The following PTBP1 variants were observed in gnomAD, a reference collection of about 807,000 sequenced individuals.
PTBP1 encodes the protein polypyrimidine tract binding protein 1.
Under a neutral mutation model 59.8 loss-of-function variants are expected in PTBP1, and 8 were observed. The ratio of observed to expected loss-of-function variants is 0.13; its 90% CI spans 0.08 to 0.24. The LOEUF (loss-of-function observed/expected upper bound fraction) is 0.24. Among genes scored for constraint, PTBP1 ranks in the 10% least tolerant of loss-of-function variants. PTBP1 has a pLI of 1.00. For missense variants in PTBP1, 686 were observed against 767.0 expected (o/e 0.89, Z 1.25); for synonymous variants, 490 against 320.7 (o/e 1.53, Z -5.64).
intron 13 of PTBP1, among the ~76,000 whole-genome samples, chr19:810,277 G>C (rs1456593247): frequency 6.6e-6 from 1 of 152,098 alleles, no homozygotes; most frequent in African/African-American, 2.4e-5. Context: ...CTGTGCTCCC[G>C]CCTGGGCGAC....
chr19:806,327 TGAG>T (rs1452470807), intron 9 of PTBP1, 78 bp from the exon 10 acceptor site: 16 of 1,423,848 alleles, frequency 1.1e-5, no homozygotes, highest in Non-Finnish European at 1.4e-5. Context: ...CCTCGGTGCA[TGAG>T]GACGGGGAGC....
In PTBP1 at chr19:804,445, G is replaced by A. The variant is rs1184663433; in HGVS notation, c.435+7G>A. On this transcript the variant is annotated splice_region_variant and intron_variant, in intron 5 of 14. Coordinates refer to ENST00000356948, the MANE Select transcript of PTBP1 (RefSeq NM_002819.5). ...CAGCTCTCCCAACCAGGCGGTGCGT[G>A]GCCCCGCGGCGGACCCCAGCAGCCC... The A allele has an allele frequency of 6.2e-7, 1 of 1,608,904 alleles. No homozygotes were observed. The highest frequency in any genetic ancestry group is 8.5e-7 in the Non-Finnish European group (1 of 1,179,558).
intron 13 of PTBP1, 52 bp from the exon 14 acceptor site, chr19:810,491 G>A (rs956291634): frequency 1.0e-5 from 16 of 1,525,796 alleles, no homozygotes; most frequent in Admixed American, 1.8e-5. Flanking sequence ...GGACCTGACT[G>A]GGCGCCCCCA....
At position 804,930 on chromosome 19, in the gene PTBP1, C is replaced by A. The variant is rs762173288; in HGVS notation, c.708C>A (p.His236Gln). ...LQYADPVSAQ[H>Q]AKLSLDGQNI... is the part of the protein sequence containing the mutation. ...ATGCGGACCCCGTGAGCGCCCAGCA[C>A]GCCAAGCTGGTGAGTGGGGCTCCCG... is the stretch of plus-strand genomic sequence containing the variant. The change falls in exon 7 of 15, where the codon CAC becomes CAA. Residue 236 changes from histidine to glutamine, a missense_variant. Coordinates refer to ENST00000356948, the MANE Select transcript of PTBP1 (RefSeq NM_002819.5). 1 of 1,613,782 alleles carries A rather than the reference C, an allele frequency of 6.2e-7. No individual in the cohort carries two copies. Among genetic ancestry groups the A allele is most frequent in the Non-Finnish European group, 8.5e-7 (1 of 1,179,826 alleles).
intron 9 of PTBP1, 188 bp from the exon 10 acceptor site, chr19:806,220 G>C (rs1599234334): frequency 1.8e-6 from 1 of 552,080 alleles, no homozygotes; most frequent in East Asian, 3.6e-5. Flanking sequence ...GGCGGGCGCT[G>C]GTGCAGGAGC....
Position 810,997 on chromosome 19 carries a change from C to T in PTBP1, c.*171C>T. On this transcript the variant is annotated 3_prime_UTR_variant, in exon 15 of 15. Transcript: ENST00000356948. ...TTAAATCTAGTTCACCTTGCTCACC[C>T]TGCGGTGACAGGGACAGCTCAGGCT... The T allele has an allele frequency of 2.9e-6, 2 of 683,842 alleles. No individual in the cohort carries two copies. Among genetic ancestry groups the T allele is most frequent in the Non-Finnish European group, 4.5e-6 (2 of 448,580 alleles). The allele number at this position is 683,842 out of a possible 1,614,324, so 42.4% of individuals were successfully genotyped here.
intron 9 of PTBP1, 21 bp downstream of exon 9, chr19:805,590 G>T (rs772688945): frequency 6.2e-7 from 1 of 1,601,948 alleles, no homozygotes; most frequent in Non-Finnish European, 8.6e-7. Flanking sequence ...GCTTGGTCTT[G>T]GTTCCCCAGC....
chr19:806,462 C>T lies in PTBP1; in HGVS notation c.1025C>T (p.Ala342Val), dbSNP rs1324568910. 5 of 1,596,526 alleles carry T rather than the reference C, an allele frequency of 3.1e-6. No individual in the cohort carries two copies. The highest frequency in any genetic ancestry group is 3.4e-5 in the Admixed American group (2 of 58,224). ...GALAPLAIPS[A>V]AAAAAAAGRI... Reference sequence around the variant, plus strand: ...CTGGCCCCCCTGGCCATCCCCTCGGCGGCGGCGGCAGCTGCGGCGGCAGGT... The same window carrying T: ...CTGGCCCCCCTGGCCATCCCCTCGGTGGCGGCGGCAGCTGCGGCGGCAGGT... The change falls in exon 10 of 15, where the codon GCG becomes GTG. Residue 342 changes from alanine to valine, a missense_variant. Coordinates refer to ENST00000356948, the MANE Select transcript of PTBP1 (RefSeq NM_002819.5).
At chr19:809,380 G>C (rs1176360358) in intron 13 of PTBP1, among the ~76,000 whole-genome samples, 2 of 151,896 alleles carry the variant, frequency 1.3e-5, no homozygotes, top group African/African-American at 4.8e-5. Context: ...CTGGAGTGCA[G>C]TGGCGGGATC....
At chr19:799,770 A>G (rs11085226) in intron 2 of PTBP1, among the ~76,000 whole-genome samples, 13,283 of 152,228 alleles carry the variant, frequency 0.087, 708 homozygotes, top group Admixed American at 0.15. Context: ...CGTGCCGTTC[A>G]GTGGGAAACC....
intron 10 of PTBP1, 184 bp from the exon 11 acceptor site, chr19:807,685 C>T (rs2034647432): frequency 7.3e-6 from 4 of 550,468 alleles, no homozygotes; most frequent in South Asian, 5.3e-5. Context: ...AAAAATTCCC[C>T]CTCAAACCCT....
intron 2 of PTBP1, among the ~76,000 whole-genome samples, chr19:800,160 T>A (rs1378424589): frequency 2.6e-5 from 4 of 151,048 alleles, no homozygotes; most frequent in African/African-American, 7.3e-5. Flanking sequence ...CAGGCTGGTC[T>A]GGAACACAGG....
intron 2 of PTBP1, 92 bp from the exon 3 acceptor site, chr19:803,469 A>G (rs2034426602): frequency 9.2e-7 from 1 of 1,086,378 alleles, no homozygotes. Flanking sequence ...CTGGGACCCC[A>G]GGCAGCCCAA....
intron 10 of PTBP1, chr19:807,608 G>T: frequency 4.7e-6 from 2 of 421,292 alleles, no homozygotes; most frequent in South Asian, 6.2e-5. Flanking sequence ...TTTGCCAACT[G>T]ACTGCACGGT....
intron 2 of PTBP1, among the ~76,000 whole-genome samples, chr19:803,022 G>C (rs747955488): frequency 2.0e-5 from 3 of 152,210 alleles, no homozygotes; most frequent in African/African-American, 7.2e-5. Context: ...TTTCTTTTCC[G>C]GGCTGGAAAA....
chr19:797,607 G>C, intron 1 of PTBP1, 102 bp downstream of exon 1: 3 of 754,982 alleles, frequency 4.0e-6, no homozygotes, highest in Non-Finnish European at 5.3e-6. Flanking sequence ...CCCCTCTCGG[G>C]CGGGAGGGGG....
rs1905385976 is a variant in PTBP1 at position 805,359 on chromosome 19, C to CT, written c.893-132dup. 3 of 1,200,832 alleles carry CT rather than the reference C, an allele frequency of 2.5e-6. No individual in the cohort carries two copies. In the Admixed American group the frequency reaches 5.9e-5, roughly 24 times the overall value. The allele number at this position is 1,200,832 out of a possible 1,614,324, so 74.4% of individuals were successfully genotyped here. A position where few individuals can be genotyped will look rare whatever the true frequency, so the allele number is the denominator to read the frequency against. On this transcript the variant is annotated intron_variant, in intron 8 of 14. Coordinates refer to ENST00000356948, the MANE Select transcript of PTBP1 (RefSeq NM_002819.5). ...CCCCACGTCGGGACCACGGCCCCCC[C>CT]TGGAGCAGCGGATCTGCCCGCGAAG...
intron 13 of PTBP1, among the ~76,000 whole-genome samples, chr19:810,319 G>C (rs2034797213): frequency 6.6e-6 from 1 of 151,658 alleles, no homozygotes; most frequent in South Asian, 2.1e-4. Flanking sequence ...AAAAAAAAGT[G>C]GAGGAGCGTG....
At chr19:797,594 C>A in intron 1 of PTBP1, 89 bp downstream of exon 1, 1 of 929,410 alleles carries the variant, frequency 1.1e-6, no homozygotes, top group Non-Finnish European at 1.4e-6. Flanking sequence ...GGGCCGATCT[C>A]GCCCCCTCTC....
Sources: allele counts gnomAD v4.1 joint callset (sites outside exome capture counted in the v4.1 genomes callset), GRCh38; gene constraint gnomAD v4.1.1; transcripts MANE v1.5; gene names NCBI Gene and HGNC (gene_info 2026-07-23, HGNC 2026-07-21).